PLEKHA7: variants seen among roughly 807,000 people sequenced by gnomAD.
PLEKHA7 encodes pleckstrin homology domain containing A7.
A neutral mutation model predicts 170.0 loss-of-function variants in PLEKHA7; 104 were observed. That is an observed-to-expected ratio of 0.61 (90% confidence interval 0.52 to 0.72). The LOEUF (loss-of-function observed/expected upper bound fraction) is 0.72, where lower values mean the gene tolerates loss of function less well. PLEKHA7 is among the 30% of genes least tolerant of loss of function. The pLI is 0.00. For missense variants in PLEKHA7, 1,615 were observed against 1,671.7 expected (o/e 0.97, Z 0.59); for synonymous variants, 648 against 660.8 (o/e 0.98, Z 0.30).
chr11:16,841,556 G>C lies in PLEKHA7; in HGVS notation c.863C>G (p.Ser288Ter). 6.2e-7 allele frequency: 1 copy of C among 1,613,368 alleles called. No individual in the cohort carries two copies. Among genetic ancestry groups the C allele is most frequent in the Middle Eastern group, 1.8e-4 (1 of 5,516 alleles). The change falls in exon 9 of 27, where the codon TCA becomes TGA. Residue 288 changes from serine (S) to a stop codon, truncating the protein, a stop_gained. Transcript: ENST00000531066. LOFTEE classifies it high-confidence loss of function. ...NQAAQVLSRS[S>*]LKRDMEKVER... ...CTCCATCAGAACTAACCTCTTCAGT[G>C]ACGATCGAGACAGCACCTGTGCAGC...
At chr11:16,866,000 GTTAA>G (rs1854361197) in intron 4 of PLEKHA7, among the ~76,000 whole-genome samples, 1 of 151,558 alleles carries the variant, frequency 6.6e-6, no homozygotes, top group Non-Finnish European at 1.5e-5. Flanking sequence ...ACCACACCAG[GTTAA>G]TTTTTTGTAT....
chr11:16,850,926 C>T (rs1340779401), intron 8 of PLEKHA7, among the ~76,000 whole-genome samples: 1 of 152,018 alleles, frequency 6.6e-6, no homozygotes, highest in African/African-American at 2.4e-5. Flanking sequence ...AGAAGGGCTT[C>T]GACAGGTAAC....
intron 3 of PLEKHA7, among the ~76,000 whole-genome samples, chr11:16,986,121 G>A (rs1290361499): frequency 6.6e-6 from 1 of 152,174 alleles, no homozygotes; most frequent in Non-Finnish European, 1.5e-5. Context: ...TCAGGCCAGA[G>A]GGGAATGGTG....
chr11:16,861,363 T>TA lies in PLEKHA7; in HGVS notation c.306-5450dup, dbSNP rs11362528. On this transcript the variant is annotated intron_variant, in intron 4 of 26. Transcript: ENST00000531066. ...CTTGAGACTCTGTCTCTATTAAAAT[T>TA]AAAAAAAAAAAAAAAATCAGCTAGG... 3.7e-3 allele frequency among the ~76,000 whole-genome samples: 544 copies of TA among 145,152 alleles called. 6 individuals are homozygous for TA. Among genetic ancestry groups the TA allele is most frequent in the South Asian group, 0.013 (60 of 4,496 alleles).
chr11:16,988,831 A>C (rs1163066598), intron 3 of PLEKHA7, among the ~76,000 whole-genome samples: 3 of 152,228 alleles, frequency 2.0e-5, no homozygotes, highest in Non-Finnish European at 4.4e-5. Flanking sequence ...CTGGGGCCAA[A>C]ACCTTTCTCC....
At chr11:16,936,562 G>C (rs1049462044) in intron 3 of PLEKHA7, among the ~76,000 whole-genome samples, 1 of 152,088 alleles carries the variant, frequency 6.6e-6, no homozygotes, top group African/African-American at 2.4e-5. Flanking sequence ...CCCAATCATT[G>C]GGCAAATCCA....
intron 3 of PLEKHA7, among the ~76,000 whole-genome samples, chr11:16,905,566 C>A (rs560908703): frequency 1.3e-5 from 2 of 152,128 alleles, no homozygotes; most frequent in Non-Finnish European, 2.9e-5. Flanking sequence ...AAAATGAGGC[C>A]CTCTGGGGTG....
intron 12 of PLEKHA7, 153 bp from the exon 13 acceptor site, chr11:16,813,319 T>A: frequency 1.8e-6 from 1 of 564,744 alleles, no homozygotes; most frequent in Non-Finnish European, 3.2e-6. Context: ...GAAGCACAAA[T>A]GTCTCGGTGC....
At chr11:16,917,698 G>A (rs1200757986) in intron 3 of PLEKHA7, among the ~76,000 whole-genome samples, 1 of 152,080 alleles carries the variant, frequency 6.6e-6, no homozygotes, top group Non-Finnish European at 1.5e-5. Context: ...CATCATATCC[G>A]AAAGTCCCTT....
chr11:16,892,403 ATT>A (rs1333648793), intron 3 of PLEKHA7, among the ~76,000 whole-genome samples: 2 of 88,626 alleles, frequency 2.3e-5, no homozygotes, highest in African/African-American at 3.5e-5. Flanking sequence ...AGGTTGTTTT[ATT>A]TTGTGTGTGT....
At chr11:16,852,815 C>T (rs1046894944) in intron 6 of PLEKHA7, among the ~76,000 whole-genome samples, 1 of 152,130 alleles carries the variant, frequency 6.6e-6, no homozygotes, top group Admixed American at 6.5e-5. Flanking sequence ...CAGTTCTGTG[C>T]CATATAGGAT....
rs371535350 is a variant in PLEKHA7, at chr11:16,925,447, C to T, written c.222-54265G>A. Among the ~76,000 whole-genome samples the T allele has an allele frequency of 3.0e-4, 46 of 152,308 alleles. No individual in the cohort carries two copies. In the South Asian group the frequency reaches 9.5e-3, roughly 32 times the overall value. On this transcript the variant is annotated intron_variant, in intron 3 of 26. Coordinates refer to ENST00000531066, the MANE Select transcript of PLEKHA7 (RefSeq NM_001329630.2). ...CCCGCGCCCAGACACAAAGCACCCC[C>T]AAAAGGAGCCCGTGCACCCTGCGCC...
chr11:16,877,412 T>TA (rs1253583614), intron 3 of PLEKHA7, among the ~76,000 whole-genome samples: 2 of 152,182 alleles, frequency 1.3e-5, no homozygotes, highest in African/African-American at 4.8e-5. Flanking sequence ...AATAAAGAGG[T>TA]AGCAATCAAG....
At chr11:16,955,888 T>C (rs141198501) in intron 3 of PLEKHA7, among the ~76,000 whole-genome samples, 4 of 152,190 alleles carry the variant, frequency 2.6e-5, no homozygotes, top group East Asian at 1.9e-4. Context: ...CTAGAGACCA[T>C]ACATAGTCAC....
intron 10 of PLEKHA7, among the ~76,000 whole-genome samples, chr11:16,821,543 A>G (rs1850214124): frequency 6.6e-6 from 1 of 152,250 alleles, no homozygotes; most frequent in African/African-American, 2.4e-5. Flanking sequence ...ATTGCAGTTC[A>G]AATAACCTTC....
At chr11:16,947,915 C>CAAAAAAAAAAAAAAAAAAAAAAAAA (rs756124686) in intron 3 of PLEKHA7, among the ~76,000 whole-genome samples, 1 of 67,034 alleles carries the variant, frequency 1.5e-5, no homozygotes. Flanking sequence ...GACTCCGTCT[C>CAAAAAAAAAAAAAAAAAAAAAAAAA]AAAAAAAAAA....
At position 16,778,338 on chromosome 11, in the gene PLEKHA7, G is replaced by A. The variant is rs1483276007; in HGVS notation, c.*660C>T. 3.3e-5 allele frequency: 5 copies of A among 152,416 alleles called. No individual in the cohort carries two copies. The highest frequency in any genetic ancestry group is 1.9e-4 in the East Asian group (1 of 5,202). The allele number at this position is 152,416 out of a possible 1,614,324, so 9.4% of individuals were successfully genotyped here. ...AGAGCCTTTTGCTGGAGGAAGCCTG[G>A]GGGCAGGTTGTGGGCCCCAGTCCTC... On this transcript the variant is annotated 3_prime_UTR_variant, in exon 27 of 27. Coordinates refer to ENST00000531066, the MANE Select transcript of PLEKHA7 (RefSeq NM_001329630.2).
chr11:16,889,420 A>AAAAAATATATAT (rs61086849), intron 3 of PLEKHA7, among the ~76,000 whole-genome samples: 13 of 74,668 alleles, frequency 1.7e-4, no homozygotes, highest in African/African-American at 2.5e-4. Flanking sequence ...AAAAAAAAAA[A>AAAAAATATATAT]ATATATATAT....
At chr11:16,967,006 A>G (rs1483173062) in intron 3 of PLEKHA7, among the ~76,000 whole-genome samples, 1 of 152,232 alleles carries the variant, frequency 6.6e-6, no homozygotes, top group Non-Finnish European at 1.5e-5. Flanking sequence ...CAAGGAGCCA[A>G]GCCTTAGGGC....
Sources: gnomAD v4.1 joint callset for allele counts (sites outside exome capture counted in the v4.1 genomes callset) on GRCh38, gnomAD v4.1.1 for gene constraint, MANE v1.5 for transcripts, NCBI Gene and HGNC (gene_info 2026-07-23, HGNC 2026-07-21) for gene names.